Variants in TSHZ2 observed in about 807,000 individuals in gnomAD.
The protein encoded by TSHZ2 is teashirt homolog 2.
A neutral mutation model predicts 74.4 loss-of-function variants in TSHZ2; 21 were observed. The observed-to-expected ratio is 0.28, with a 90% CI of 0.20 to 0.41. TSHZ2 has a LOEUF of 0.41. TSHZ2 is among the 10% of genes least tolerant of loss of function. The pLI, the probability that TSHZ2 is intolerant of heterozygous loss-of-function variation, is 1.00. For missense variants in TSHZ2, 1,244 were observed against 1,293.5 expected, an observed-to-expected ratio of 0.96 and a Z score of 0.59; for synonymous variants, 540 against 515.3, an observed-to-expected ratio of 1.05 and a Z score of -0.65.
intron 2 of TSHZ2, among the ~76,000 whole-genome samples, chr20:53,456,331 A>G (rs1293903537): frequency 6.7e-6 from 1 of 149,922 alleles, no homozygotes; most frequent in Non-Finnish European, 1.5e-5. Flanking sequence ...GCATTTTTTC[A>G]TGTGTTTTTT....
intron 2 of TSHZ2, among the ~76,000 whole-genome samples, chr20:53,460,565 G>A (rs181841891): frequency 0.011 from 1,698 of 152,250 alleles, 8 homozygotes; most frequent in Non-Finnish European, 0.014. Flanking sequence ...GTCATTCTCC[G>A]TCCAGCTTTG....
chr20:53,423,168 G>A (rs1166272761), intron 2 of TSHZ2, among the ~76,000 whole-genome samples: 1 of 152,162 alleles, frequency 6.6e-6, no homozygotes, highest in Non-Finnish European at 1.5e-5. Context: ...GGAGGCTAAG[G>A]CAGGCGGATA....
In TSHZ2 at chr20:53,093,870, A is replaced by C. The variant is rs1985959290; in HGVS notation, c.40+120537A>C. Among the ~76,000 whole-genome samples, 4 of 152,196 alleles carry C rather than the reference A, an allele frequency of 2.6e-5. No individual in the cohort carries two copies. In the South Asian group the frequency reaches 8.3e-4, roughly 32 times the overall value. ...TCATGAATAAATCTGAAAGCATAGGACCTCAGCCGGGTTTCATCAGACTTC... is the reference window on the plus strand; with the variant it reads ...TCATGAATAAATCTGAAAGCATAGGCCCTCAGCCGGGTTTCATCAGACTTC... On this transcript the variant is annotated intron_variant, in intron 1 of 2. Transcript: ENST00000371497.
At chr20:53,469,064 T>TATATATACAC (rs1555872269) in intron 2 of TSHZ2, among the ~76,000 whole-genome samples, 1 of 123,452 alleles carries the variant, frequency 8.1e-6, no homozygotes, top group Admixed American at 8.1e-5. Context: ...TATATATATA[T>TATATATACAC]ATATATATAT....
chr20:53,454,879 TCAC>T (rs1304723667), intron 2 of TSHZ2, among the ~76,000 whole-genome samples: 1 of 152,148 alleles, frequency 6.6e-6, no homozygotes, highest in African/African-American at 2.4e-5. Flanking sequence ...ACTTACCAGA[TCAC>T]CACATCTGAA....
chr20:52,999,293 A>T (rs1982322906), intron 1 of TSHZ2, among the ~76,000 whole-genome samples: 1 of 152,214 alleles, frequency 6.6e-6, no homozygotes. Flanking sequence ...AATGAGTAAG[A>T]TCCATCAGGA....
chr20:52,991,966 G>C (rs1181157909), intron 1 of TSHZ2, among the ~76,000 whole-genome samples: 2 of 152,110 alleles, frequency 1.3e-5, no homozygotes, highest in Non-Finnish European at 2.9e-5. Context: ...TATTTTCCTG[G>C]GGGTTCCCCT....
chr20:53,468,756 C>T (rs562297455), intron 2 of TSHZ2, among the ~76,000 whole-genome samples: 108 of 148,866 alleles, frequency 7.3e-4, no homozygotes, highest in African/African-American at 2.4e-3. Flanking sequence ...AGTGGGTCGT[C>T]TGGTTTGTGT....
rs150279360 is a variant in TSHZ2, at chr20:53,176,442, G to A, written c.41-77057G>A. Among the ~76,000 whole-genome samples, 1,428 of 152,216 alleles carry A rather than the reference G, an allele frequency of 9.4e-3. 9 individuals are homozygous for A. The highest frequency in any genetic ancestry group is 0.014 in the Non-Finnish European group (957 of 68,002). On this transcript the variant is annotated intron_variant, in intron 1 of 2. Transcript: ENST00000371497. ...GGAGCCAGCGGGTAGGTTTCTCAAA[G>A]CCCTCTTAATTGAGGGTTGCTAGGG... is the stretch of plus-strand genomic sequence containing the variant.
chr20:53,026,300 G>A (rs1310654504), intron 1 of TSHZ2, among the ~76,000 whole-genome samples: 1 of 151,696 alleles, frequency 6.6e-6, no homozygotes, highest in Non-Finnish European at 1.5e-5. Context: ...GGCCCCAACT[G>A]TAGCCCCAAG....
chr20:53,033,713 G>A (rs1379940528), intron 1 of TSHZ2, among the ~76,000 whole-genome samples: 1 of 139,120 alleles, frequency 7.2e-6, no homozygotes, highest in Non-Finnish European at 1.5e-5. Context: ...AGGCTGGAGT[G>A]CAGTGGTGTG....
chr20:53,272,914 G>C (rs942390161), intron 2 of TSHZ2, among the ~76,000 whole-genome samples: 1 of 152,184 alleles, frequency 6.6e-6, no homozygotes, highest in Admixed American at 6.5e-5. Flanking sequence ...AACAATTTCT[G>C]AGAATGAGGG....
intron 2 of TSHZ2, among the ~76,000 whole-genome samples, chr20:53,319,244 A>G (rs1314528473): frequency 2.0e-5 from 3 of 152,228 alleles, no homozygotes; most frequent in Non-Finnish European, 2.9e-5. Context: ...AAAGCCAAGT[A>G]TAAGTGCTGC....
intron 1 of TSHZ2, among the ~76,000 whole-genome samples, chr20:53,121,274 A>G (rs976346811): frequency 6.6e-6 from 1 of 152,176 alleles, no homozygotes; most frequent in Non-Finnish European, 1.5e-5. Flanking sequence ...TAGAACTCAT[A>G]CATGTCTCAT....
At position 53,255,532 on chromosome 20, in the gene TSHZ2, A is replaced by G; in HGVS notation, c.2074A>G (p.Ile692Val). The change falls in exon 2 of 3, where the codon ATC becomes GTC. Residue 692 changes from isoleucine (I) to valine (V), a missense_variant. Ile to Val is a conservative substitution (Grantham distance 29). This residue lies in a region of TSHZ2 where 562 missense variants were observed against 544.0 expected (regional missense o/e 1.03). Coordinates refer to ENST00000371497, the MANE Select transcript of TSHZ2 (RefSeq NM_173485.6). This position sits in a 1 kb window ranked among gnomAD's most constrained non-coding sequence, Gnocchi z 4.1. Reference sequence around the variant, plus strand: ...CAACCACGCCCCGGCCCTGCCATGCATCAACCCACTCAGCGCCCTGCAGTC... The same window carrying G: ...CAACCACGCCCCGGCCCTGCCATGCGTCAACCCACTCAGCGCCCTGCAGTC... ...LANHAPALPC[I>V]NPLSALQSVL... 6.3e-7 allele frequency: 1 copy of G among 1,587,408 alleles called. No homozygotes were observed. Among genetic ancestry groups the G allele is most frequent in the South Asian group, 1.2e-5 (1 of 86,480 alleles).
At chr20:53,121,603 T>G (rs987519286) in intron 1 of TSHZ2, among the ~76,000 whole-genome samples, 1 of 152,244 alleles carries the variant, frequency 6.6e-6, no homozygotes, top group Non-Finnish European at 1.5e-5. Flanking sequence ...TTCCCCCCTT[T>G]ATTTGTCTTC....
chr20:53,485,710 A>C (rs978018415), intron 2 of TSHZ2, among the ~76,000 whole-genome samples: 2 of 149,540 alleles, frequency 1.3e-5, no homozygotes, highest in African/African-American at 4.9e-5. Context: ...CTCCAGCACA[A>C]AAAAAAAAAG....
chr20:53,493,754 T>G lies in TSHZ2; in HGVS notation c.*6619T>G, dbSNP rs573433914. On this transcript the variant is annotated 3_prime_UTR_variant, in exon 3 of 3. Coordinates refer to ENST00000371497, the MANE Select transcript of TSHZ2 (RefSeq NM_173485.6). Reference sequence around the variant, plus strand: ...CTTGCAATGAAAAAAAAAAAAGAACTTTTCTGCTAGGAAGATTATACCACC... The same window carrying G: ...CTTGCAATGAAAAAAAAAAAAGAACGTTTCTGCTAGGAAGATTATACCACC... 2.0e-5 allele frequency: 3 copies of G among 152,138 alleles called. No homozygotes were observed. Among genetic ancestry groups the G allele is most frequent in the African/African-American group, 7.2e-5 (3 of 41,524 alleles). The allele number at this position is 152,138 out of a possible 1,614,324, so 9.4% of individuals were successfully genotyped here. A position where few individuals can be genotyped will look rare whatever the true frequency, so the allele number is the denominator to read the frequency against.
chr20:53,334,884 A>C (rs1441180203), intron 2 of TSHZ2, among the ~76,000 whole-genome samples: 7 of 151,982 alleles, frequency 4.6e-5, no homozygotes, highest in Non-Finnish European at 1.0e-4. Context: ...GGGTTTCACC[A>C]TATTAGCCAG....
Sources: allele counts gnomAD v4.1 joint callset (sites outside exome capture counted in the v4.1 genomes callset), GRCh38; gene constraint gnomAD v4.1.1; regional missense constraint gnomAD v4.1.1; non-coding constraint Gnocchi (gnomAD v3.1); transcripts MANE v1.5; gene names NCBI Gene and HGNC (gene_info 2026-07-23, HGNC 2026-07-21).